The following PDLIM2 variants were observed in gnomAD, a reference collection of about 807,000 sequenced individuals.
The protein encoded by PDLIM2 is PDZ and LIM domain 2.
PDLIM2 carries 51 observed loss-of-function variants against 54.1 expected under a neutral mutation model. The ratio of observed to expected loss-of-function variants is 0.94; its 90% CI spans 0.75 to 1.19. The LOEUF (loss-of-function observed/expected upper bound fraction) is 1.19, where lower values mean the gene tolerates loss of function less well. PDLIM2 is among the 50% of genes most tolerant of loss of function. The probability of loss-of-function intolerance (pLI) is 0.00; values close to 1 mark genes in which losing one functional copy is unlikely to be tolerated. For missense variants in PDLIM2, 912 were observed against 874.0 expected (o/e 1.04, Z -0.55); for synonymous variants, 398 against 385.6 (o/e 1.03, Z -0.38).
At chr8:22,583,697 G>A (rs906664756) in intron 3 of PDLIM2, among the ~76,000 whole-genome samples, 1 of 151,856 alleles carries the variant, frequency 6.6e-6, no homozygotes, top group Admixed American at 6.6e-5. Flanking sequence ...AACCCAGGAG[G>A]TGGAGGTTGC....
At chr8:22,579,485 C>T (rs974408016) in exon 1 of PDLIM2, 5 of 1,511,378 alleles carry the variant, frequency 3.3e-6, no homozygotes, top group Non-Finnish European at 3.5e-6. Flanking sequence ...CTGGGCACCT[C>T]CCCGCGGCGC....
Position 22,593,404 on chromosome 8 carries a change from C to T in PDLIM2, c.1632-329C>T, listed in dbSNP as rs113615710. 3.5e-3 allele frequency: 896 copies of T among 257,218 alleles called. 6 individuals are homozygous for T. The highest frequency in any genetic ancestry group is 0.018 in the African/African-American group (786 of 44,534). 15.9% of individuals were successfully genotyped at this position (257,218 alleles called of 1,614,324 possible). On this transcript the variant is annotated intron_variant, in intron 9 of 9. Transcript: ENST00000308354. ...CCGTCCTGGCTAACACGGTAAAACCCGTCTCTACTAAAAATACAAAAACTT... is the reference window on the plus strand; with the variant it reads ...CCGTCCTGGCTAACACGGTAAAACCTGTCTCTACTAAAAATACAAAAACTT...
rs748607449 is a variant in PDLIM2 at position 22,580,578 on chromosome 8, C to G, written c.749-25C>G. ...CAGAGCCGGCTAGGGGCATGGACTT[C>G]ACCTCCTGGTCCTCTCTTCCTCAGG... On this transcript the variant is annotated intron_variant, in intron 1 of 9. Transcript: ENST00000308354. 27 of 1,613,800 alleles carry G rather than the reference C, an allele frequency of 1.7e-5. No individual in the cohort carries two copies. The South Asian group carries it at 2.7e-4, about 16-fold the overall frequency.
chr8:22,594,662 T>A, downstream of PDLIM2: 1 of 1,605,558 alleles, frequency 6.2e-7, no homozygotes, highest in Non-Finnish European at 8.5e-7. Context: ...CAACCTCTGA[T>A]CCTGAGGACC....
At chr8:22,586,109 G>C (rs1420038477) in intron 6 of PDLIM2, among the ~76,000 whole-genome samples, 1 of 152,204 alleles carries the variant, frequency 6.6e-6, no homozygotes, top group Non-Finnish European at 1.5e-5. Context: ...GGGGTGATGG[G>C]GATATGGCCC....
Position 22,581,301 on chromosome 8 carries a change from G to A in PDLIM2, c.844-78G>A, listed in dbSNP as rs571160205. On this transcript the variant is annotated intron_variant, in intron 2 of 9. Transcript: ENST00000308354. ...CGGCCTGGGTCAAGCCAGCCTCTGT[G>A]TTTCTTGGGTAGCAGAGTGGGAAGT... 3.3e-6 allele frequency: 5 copies of A among 1,519,764 alleles called. No homozygotes were observed. The African/African-American group carries it at 6.9e-5, about 21-fold the overall frequency. The allele number at this position is 1,519,764 out of a possible 1,614,324, so 94.1% of individuals were successfully genotyped here. A position where few individuals can be genotyped will look rare whatever the true frequency, so the allele number is the denominator to read the frequency against.
At chr8:22,590,758 C>G (rs1419131388) in intron 8 of PDLIM2, 2 of 152,502 alleles carry the variant, frequency 1.3e-5, no homozygotes, top group African/African-American at 4.8e-5. Flanking sequence ...GCTCCTGGAC[C>G]TCAGTTGAGT....
chr8:22,589,454 G>A, intron 7 of PDLIM2, 80 bp downstream of exon 6: 2 of 1,530,922 alleles, frequency 1.3e-6, no homozygotes, highest in Non-Finnish European at 1.8e-6. Flanking sequence ...TCCCCGAGAG[G>A]GATGGGGTCC....
At chr8:22,581,453 C>T (rs759215977) in exon 3 of PDLIM2, 13 of 1,607,566 alleles carry the variant, frequency 8.1e-6, no homozygotes, top group African/African-American at 5.3e-5. Context: ...ACGGGGAAAG[C>T]GCGGAGGGCA....
chr8:22,585,923 C>T (rs562518988), intron 6 of PDLIM2, among the ~76,000 whole-genome samples: 12 of 151,742 alleles, frequency 7.9e-5, no homozygotes, highest in Non-Finnish European at 1.5e-4. Flanking sequence ...CCCCTACCCC[C>T]GCCAGCTCCC....
At chr8:22,583,879 AAAAAAG>A (rs1800287477) in intron 3 of PDLIM2, among the ~76,000 whole-genome samples, 3 of 145,414 alleles carry the variant, frequency 2.1e-5, no homozygotes, top group Admixed American at 6.9e-5. Flanking sequence ...AAAAAAAAAA[AAAAAAG>A]GGCAGGATAA....
chr8:22,595,951 T>A (rs2117376811), downstream of PDLIM2: 1 of 152,438 alleles, frequency 6.6e-6, no homozygotes, highest in South Asian at 2.0e-4. Context: ...CACACCCAGC[T>A]AATTTTTAAG....
At chr8:22,594,482 G>A, downstream of PDLIM2, 1 of 1,612,952 alleles carries the variant, frequency 6.2e-7, no homozygotes, top group Non-Finnish European at 8.5e-7. Flanking sequence ...TTTTAGGTTG[G>A]GAGTCATGTC....
chr8:22,592,077 C>CTTTTCTTTTCTTTTCTTTTTTTTTTT (rs143613807), intron 9 of PDLIM2: 1 of 95,188 alleles, frequency 1.1e-5, no homozygotes, highest in African/African-American at 4.9e-5. Flanking sequence ...TCTTTCTTTT[C>CTTTTCTTTTCTTTTCTTTTTTTTTTT]TTTTTTTTTT....
chr8:22,589,406 G>C, intron 7 of PDLIM2, 32 bp downstream of exon 6: 1 of 1,535,762 alleles, frequency 6.5e-7, no homozygotes, highest in Non-Finnish European at 8.7e-7. Flanking sequence ...TCGGGTTGGG[G>C]TCTTGGAAGG....
At position 22,594,213 on chromosome 8, in the gene PDLIM2, G is replaced by C. The variant is rs952041282; in HGVS notation, c.*303G>C. ...GGGTCGAACACAGAAGTGGGAAGGA[G>C]AGGGGTGGGCCAGGGGCTAATGGTG... On this transcript the variant is annotated 3_prime_UTR_variant, in exon 10 of 10. Coordinates refer to ENST00000308354, the Ensembl canonical transcript of PDLIM2. The C allele has an allele frequency of 1.6e-5, 23 of 1,399,898 alleles. No homozygotes were observed. The Middle Eastern group carries it at 7.9e-4, about 48-fold the overall frequency. The allele number at this position is 1,399,898 out of a possible 1,614,324, so 86.7% of individuals were successfully genotyped here.
At chr8:22,580,843 T>C (rs1800175025) in intron 2 of PDLIM2, 146 bp downstream of exon 1, 1 of 932,132 alleles carries the variant, frequency 1.1e-6, no homozygotes, top group Non-Finnish European at 1.7e-6. Context: ...AAGGGAGCCG[T>C]GGCCCTTTGC....
At chr8:22,596,728 C>T (rs1445661123), downstream of PDLIM2, 1 of 152,220 alleles carries the variant, frequency 6.6e-6, no homozygotes, top group East Asian at 1.9e-4. Context: ...TCCAAAGCTG[C>T]ACAGCTAGAC....
At chr8:22,593,492 G>C (rs1282318319) in intron 9 of PDLIM2, 1 of 490,956 alleles carries the variant, frequency 2.0e-6, no homozygotes, top group Non-Finnish European at 3.6e-6. Context: ...CAGGAGTATC[G>C]CTTGAACCCG....
Sources: allele counts gnomAD v4.1 joint callset (sites outside exome capture counted in the v4.1 genomes callset), GRCh38; gene constraint gnomAD v4.1.1; transcripts MANE v1.5; gene names NCBI Gene and HGNC (gene_info 2026-07-23, HGNC 2026-07-21).